Variants in LTC4S observed in about 807,000 individuals in gnomAD.
LTC4S encodes the protein leukotriene C4 synthase.
LTC4S carries 18 observed loss-of-function variants against 19.6 expected under a neutral mutation model. That is an observed-to-expected ratio of 0.92 (90% CI 0.64 to 1.36). The LOEUF is 1.36. Ranked by LOEUF, LTC4S falls within the 40% of genes most tolerant of loss-of-function variation. The probability of loss-of-function intolerance (pLI) is 0.00; values close to 1 mark genes in which losing one functional copy is unlikely to be tolerated. For missense variants in LTC4S, 235 were observed against 212.2 expected (o/e 1.11, Z -0.67); for synonymous variants, 126 against 110.1 (o/e 1.14, Z -0.91).
rs1756624374 is a variant in LTC4S, at chr5:179,796,322, C to CG, written c.382dup (p.Ala128GlyfsTer58). 6.7e-7 allele frequency: 1 copy of CG among 1,485,728 alleles called. No individual in the cohort carries two copies. The highest frequency in any genetic ancestry group is 2.3e-5 in the Admixed American group (1 of 44,208). The allele number at this position is 1,485,728 out of a possible 1,614,324, so 92.0% of individuals were successfully genotyped here. A position where few individuals can be genotyped will look rare whatever the true frequency, so the allele number is the denominator to read the frequency against. On this transcript the variant is annotated frameshift_variant, in exon 5 of 5. Coordinates refer to ENST00000292596, the MANE Select transcript of LTC4S (RefSeq NM_145867.2). LOFTEE classifies it high-confidence loss of function. ...TGGCGCTGGCTGCGCTCGGCCTGCT[C>CG]GCCCACTTCCTCCCGGCCGCGCTGC...
intron 4 of LTC4S, 79 bp downstream of exon 4, chr5:179,796,101 C>A: frequency 7.4e-7 from 1 of 1,343,376 alleles, no homozygotes; most frequent in Non-Finnish European, 9.7e-7. Context: ...GGGACCGAAG[C>A]TGGGGGCGGG....
rs1485014330 is a variant in LTC4S, at chr5:179,795,869, G to C, written c.229+13G>C. On this transcript the variant is annotated intron_variant, in intron 3 of 4. Coordinates refer to ENST00000292596, the MANE Select transcript of LTC4S (RefSeq NM_145867.2). ...TTCTTTCATGAAGGTCGGGGTGTGGGGCAGGGGCGCACGCGCTGGACCCCC... is the reference window on the plus strand; with the variant it reads ...TTCTTTCATGAAGGTCGGGGTGTGGCGCAGGGGCGCACGCGCTGGACCCCC... 6.2e-7 allele frequency: 1 copy of C among 1,604,254 alleles called. No individual in the cohort carries two copies. Among genetic ancestry groups the C allele is most frequent in the South Asian group, 1.1e-5 (1 of 90,312 alleles).
At chr5:179,795,508 T>C in intron 1 of LTC4S, 76 bp from the exon 2 acceptor site, 3 of 1,537,396 alleles carry the variant, frequency 2.0e-6, no homozygotes, top group Non-Finnish European at 2.6e-6. Context: ...AAGGGCCAGA[T>C]TGCAGGATCC....
rs1756624636 is a variant in LTC4S at position 179,796,331 on chromosome 5, C to T, written c.390C>T (p.Phe130=). The change falls in exon 5 of 5, where the codon TTC becomes TTT. Residue 130 remains phenylalanine (F), a synonymous_variant. Coordinates refer to ENST00000292596, the MANE Select transcript of LTC4S (RefSeq NM_145867.2). ...ALAALGLLAH[F]LPAALRAALL... is the part of the protein sequence containing the mutation. Reference sequence around the variant, plus strand: ...CTGCGCTCGGCCTGCTCGCCCACTTCCTCCCGGCCGCGCTGCGCGCCGCGC... The same window carrying T: ...CTGCGCTCGGCCTGCTCGCCCACTTTCTCCCGGCCGCGCTGCGCGCCGCGC... The T allele has an allele frequency of 6.7e-7, 1 of 1,487,590 alleles. No individual in the cohort carries two copies. The highest frequency in any genetic ancestry group is 8.9e-7 in the Non-Finnish European group (1 of 1,126,560). The allele number at this position is 1,487,590 out of a possible 1,614,324, so 92.1% of individuals were successfully genotyped here.
chr5:179,794,369 G>A, intron 1 of LTC4S, among the ~76,000 whole-genome samples: 1 of 152,276 alleles, frequency 6.6e-6, no homozygotes, highest in African/African-American at 2.4e-5. Context: ...TGGGGAAGCT[G>A]ATCTCTGCTC....
At chr5:179,796,045 G>T (rs567435148) in intron 4 of LTC4S, 23 bp downstream of exon 4, 3 of 1,504,192 alleles carry the variant, frequency 2.0e-6, no homozygotes, top group Non-Finnish European at 2.6e-6. Flanking sequence ...CGGGGAGCGG[G>T]GCGGGGCCGG....
At chr5:179,796,045 G>C (rs567435148) in intron 4 of LTC4S, 23 bp downstream of exon 4, 1 of 1,504,298 alleles carries the variant, frequency 6.6e-7, no homozygotes, top group South Asian at 1.2e-5. Context: ...CGGGGAGCGG[G>C]GCGGGGCCGG....
rs370246522 is a variant in LTC4S at position 179,795,492 on chromosome 5, C to A, written c.59-92C>A. The A allele has an allele frequency of 3.3e-6, 5 of 1,529,290 alleles. No individual in the cohort carries two copies. In the African/African-American group the frequency reaches 4.2e-5, roughly 13 times the overall value. 94.7% of individuals were successfully genotyped at this position (1,529,290 alleles called of 1,614,324 possible). On this transcript the variant is annotated intron_variant, in intron 1 of 4. Transcript: ENST00000292596. ...CGCCTTAGGGAGGAGAGGACACGGC[C>A]AAGTGAAGGGCCAGATTGCAGGATC... is the stretch of plus-strand genomic sequence containing the variant.
Position 179,795,767 on chromosome 5 carries a change from T to TTCC in LTC4S, c.159-19_159-18insTCC. 1 of 1,582,836 alleles carries TTCC rather than the reference T, an allele frequency of 6.3e-7. No individual in the cohort carries two copies. Among genetic ancestry groups the TTCC allele is most frequent in the Non-Finnish European group, 8.6e-7 (1 of 1,165,506 alleles). On this transcript the variant is annotated intron_variant, in intron 2 of 4. Transcript: ENST00000292596. Reference sequence around the variant, plus strand: ...AGGACCATCCCGGCCGGCGCGCTCATCCCACCCGCCCACCGCAGGGTGAAC... The same window carrying TTCC: ...AGGACCATCCCGGCCGGCGCGCTCATTCCCCCACCCGCCCACCGCAGGGTGAAC...
At position 179,796,321 on chromosome 5, in the gene LTC4S, T is replaced by C; in HGVS notation, c.380T>C (p.Leu127Pro). 3 of 1,485,358 alleles carry C rather than the reference T, an allele frequency of 2.0e-6. No individual in the cohort carries two copies. Among genetic ancestry groups the C allele is most frequent in the South Asian group, 1.3e-5 (1 of 78,906 alleles). The allele number at this position is 1,485,358 out of a possible 1,614,324, so 92.0% of individuals were successfully genotyped here. A position where few individuals can be genotyped will look rare whatever the true frequency, so the allele number is the denominator to read the frequency against. ...GTGGCGCTGGCTGCGCTCGGCCTGC[T>C]CGCCCACTTCCTCCCGGCCGCGCTG... is the stretch of plus-strand genomic sequence containing the variant. ...LLVALAALGL[L>P]AHFLPAALRA... Residue 127 changes from leucine to proline, a missense_variant, in exon 5 of 5, where the codon CTC (leucine) becomes CCC (proline). Coordinates refer to ENST00000292596, the MANE Select transcript of LTC4S (RefSeq NM_145867.2).
Position 179,796,286 on chromosome 5 carries a change from C to G in LTC4S, c.345C>G (p.Leu115=). ...LAPLYASARA[L]WLLVALAALG... is the part of the protein sequence containing the mutation. Reference sequence around the variant, plus strand: ...CGCTGTACGCGAGCGCGCGCGCCCTCTGGCTGCTGGTGGCGCTGGCTGCGC... The same window carrying G: ...CGCTGTACGCGAGCGCGCGCGCCCTGTGGCTGCTGGTGGCGCTGGCTGCGC... The change falls in exon 5 of 5, where the codon CTC becomes CTG. Residue 115 remains leucine (L), a synonymous_variant. Coordinates refer to ENST00000292596, the MANE Select transcript of LTC4S (RefSeq NM_145867.2). The G allele has an allele frequency of 6.8e-7, 1 of 1,471,790 alleles. No homozygotes were observed. Among genetic ancestry groups the G allele is most frequent in the Non-Finnish European group, 8.9e-7 (1 of 1,118,108 alleles). The allele number at this position is 1,471,790 out of a possible 1,614,324, so 91.2% of individuals were successfully genotyped here. A position where few individuals can be genotyped will look rare whatever the true frequency, so the allele number is the denominator to read the frequency against.
In LTC4S at chr5:179,795,799, G is replaced by T. The variant is rs774845515; in HGVS notation, c.172G>T (p.Glu58Ter). The change falls in exon 3 of 5, where the codon GAG becomes TAG. Residue 58 changes from glutamate (E) to a stop codon, truncating the protein, a stop_gained. Transcript: ENST00000292596. LOFTEE classifies it high-confidence loss of function. ...CGCCCACCGCAGGGTGAACTGCAGC[G>T]AGTACTTCCCGCTGTTCCTCGCCAC... The part of the protein sequence containing the change: ...RVYRAQVNCS[E>*]YFPLFLATLW... 2 of 1,602,588 alleles carry T rather than the reference G, an allele frequency of 1.2e-6. No individual in the cohort carries two copies. Among genetic ancestry groups the T allele is most frequent in the Admixed American group, 1.7e-5 (1 of 59,456 alleles).
chr5:179,796,135 T>C (rs1356842550), intron 4 of LTC4S, 113 bp downstream of exon 4: 2 of 1,257,830 alleles, frequency 1.6e-6, no homozygotes, highest in African/African-American at 3.2e-5. Flanking sequence ...CCCAGCGCCT[T>C]TGGGGATTCG....
In LTC4S at chr5:179,794,051, C is replaced by T. The variant is rs1199351559; in HGVS notation, c.-30C>T. 1.9e-6 allele frequency: 3 copies of T among 1,613,342 alleles called. No homozygotes were observed. Among genetic ancestry groups the T allele is most frequent in the African/African-American group, 1.3e-5 (1 of 74,922 alleles). On this transcript the variant is annotated 5_prime_UTR_variant, in exon 1 of 5. Transcript: ENST00000292596. ...AAGCGTTCCCCAGCTCGCCTTCACA[C>T]ACAGCCCGTGCCACCACACCGACGG...
At chr5:179,796,046 G>T (rs1244835749) in intron 4 of LTC4S, 24 bp downstream of exon 4, 3 of 1,503,298 alleles carry the variant, frequency 2.0e-6, no homozygotes, top group Non-Finnish European at 1.8e-6. Context: ...GGGGAGCGGG[G>T]CGGGGCCGGG....
At chr5:179,794,186 G>C in intron 1 of LTC4S, 48 bp downstream of exon 1, 1 of 1,610,840 alleles carries the variant, frequency 6.2e-7, no homozygotes, top group Non-Finnish European at 8.5e-7. Context: ...GATCCCTACA[G>C]CTTGCCCTCT....
At chr5:179,794,200 C>T (rs1756542711) in intron 1 of LTC4S, 62 bp downstream of exon 1, 21 of 1,601,580 alleles carry the variant, frequency 1.3e-5, no homozygotes, top group Non-Finnish European at 8.5e-6. Context: ...GCCCTCTGCC[C>T]CCTAGGCCCA....
In LTC4S at chr5:179,793,989, C is replaced by A; in HGVS notation, c.-92C>A. 1 of 1,601,938 alleles carries A rather than the reference C, an allele frequency of 6.2e-7. No homozygotes were observed. The highest frequency in any genetic ancestry group is 1.1e-5 in the South Asian group (1 of 89,808). On this transcript the variant is annotated 5_prime_UTR_variant, in exon 1 of 5. Coordinates refer to ENST00000292596, the MANE Select transcript of LTC4S (RefSeq NM_145867.2). ...CGGGGAGAGCACCGAGGCTGCTCTTCCTCTCCTGGGCCGTCCTCTGAGCAG... is the reference window on the plus strand; with the variant it reads ...CGGGGAGAGCACCGAGGCTGCTCTTACTCTCCTGGGCCGTCCTCTGAGCAG...
chr5:179,796,395 G>C lies in LTC4S; in HGVS notation c.*1G>C. The C allele has an allele frequency of 1.3e-6, 2 of 1,491,646 alleles. No homozygotes were observed. Among genetic ancestry groups the C allele is most frequent in the East Asian group, 2.8e-5 (1 of 36,232 alleles). The allele number at this position is 1,491,646 out of a possible 1,614,324, so 92.4% of individuals were successfully genotyped here. On this transcript the variant is annotated 3_prime_UTR_variant, in exon 5 of 5. Coordinates refer to ENST00000292596, the MANE Select transcript of LTC4S (RefSeq NM_145867.2). ...CCGGACGCTGCTGCCGTGGGCCTGA[G>C]ACCAAGGCCCCCGGGCCGACGGAGC... is the stretch of plus-strand genomic sequence containing the variant.
Sources: gnomAD v4.1 joint callset for allele counts (sites outside exome capture counted in the v4.1 genomes callset) on GRCh38, gnomAD v4.1.1 for gene constraint, MANE v1.5 for transcripts, NCBI Gene and HGNC (gene_info 2026-07-23, HGNC 2026-07-21) for gene names.